The following CDAN1 variants were observed in gnomAD, a reference collection of about 807,000 sequenced individuals.
CDAN1 encodes codanin-1.
A neutral mutation model predicts 139.8 loss-of-function variants in CDAN1; 107 were observed. That is an observed-to-expected ratio of 0.77 (90% confidence interval 0.65 to 0.90). The LOEUF is 0.90. CDAN1 is among the 40% of genes least tolerant of loss of function. The pLI is 0.00. For missense variants in CDAN1, 1,667 were observed against 1,575.7 expected (o/e 1.06, Z -0.98); for synonymous variants, 776 against 660.6 (o/e 1.17, Z -2.68).
chr15:42,733,327 T>A (rs1178748126), intron 8 of CDAN1, 141 bp from the exon 9 acceptor site: 14 of 731,468 alleles, frequency 1.9e-5, no homozygotes, highest in Non-Finnish European at 3.2e-5. Context: ...CAGGCTGGAT[T>A]GCAATGACGC....
At chr15:42,726,849 C>A (rs1203447392) in intron 23 of CDAN1, 6 of 202,860 alleles carry the variant, frequency 3.0e-5, no homozygotes, top group Non-Finnish European at 3.0e-5. Context: ...TGCATATTGA[C>A]AACCAGTATC....
intron 1 of CDAN1, 92 bp downstream of exon 1, chr15:42,736,921 G>A (rs1034778327): frequency 2.0e-5 from 29 of 1,476,054 alleles, no homozygotes; most frequent in Non-Finnish European, 2.6e-5. Flanking sequence ...CCGGCTGGCA[G>A]CCAGGCGCCC....
chr15:42,730,489 G>C (rs1419985736), intron 14 of CDAN1, 109 bp downstream of exon 14: 1 of 1,307,774 alleles, frequency 7.6e-7, no homozygotes, highest in Non-Finnish European at 1.1e-6. Flanking sequence ...TTATGGCCAG[G>C]GCCCCACACG....
chr15:42,735,704 G>A, intron 3 of CDAN1, 25 bp from the exon 4 acceptor site: 2 of 1,613,224 alleles, frequency 1.2e-6, no homozygotes, highest in Non-Finnish European at 1.7e-6. Context: ...AATTTCATGA[G>A]CAGTCAGCTT....
intron 3 of CDAN1, 26 bp from the exon 4 acceptor site, chr15:42,735,705 C>A: frequency 6.2e-7 from 1 of 1,613,212 alleles, no homozygotes; most frequent in South Asian, 1.1e-5. Flanking sequence ...ATTTCATGAG[C>A]AGTCAGCTTG....
At position 42,731,001 on chromosome 15, in the gene CDAN1, G is replaced by A. The variant is rs753869458; in HGVS notation, c.1931C>T (p.Ala644Val). 1.2e-6 allele frequency: 2 copies of A among 1,614,204 alleles called. No individual in the cohort carries two copies. The highest frequency in any genetic ancestry group is 1.7e-6 in the Non-Finnish European group (2 of 1,180,042). Residue 644 changes from alanine to valine, a missense_variant, in exon 13 of 28, where the codon GCT becomes GTT. By Grantham distance (64) the Ala-to-Val change is moderately conservative (BLOSUM62 0). This residue lies in a region of CDAN1 where 936 missense variants were observed against 844.1 expected (regional missense o/e 1.11). Coordinates refer to ENST00000356231, the MANE Select transcript of CDAN1 (RefSeq NM_138477.4). ...TTCAGGCCCCCGGTATGGCAGGAAA[G>A]CCACAAAGCCCAGGAATTTAGCCAA... is the stretch of plus-strand genomic sequence containing the variant. ...RLLAKFLGFV[A>V]FLPYRGPEPP...
At chr15:42,724,755 C>T (rs1338487672) in intron 27 of CDAN1, 139 bp from the exon 28 acceptor site, 6 of 1,121,108 alleles carry the variant, frequency 5.4e-6, no homozygotes, top group Non-Finnish European at 7.7e-6. Flanking sequence ...GACATGAAAC[C>T]TTGTCTGTTT....
At chr15:42,736,217 G>T in intron 2 of CDAN1, 85 bp downstream of exon 2, 2 of 1,588,842 alleles carry the variant, frequency 1.3e-6, no homozygotes, top group Non-Finnish European at 1.7e-6. Flanking sequence ...CCATCCTGGC[G>T]CTCCACTGCG....
rs1555414619 is a variant in CDAN1, at chr15:42,728,042, C to T, written c.2869-9G>A. The stretch of plus-strand genomic sequence containing the variant: ...TCTGCACTGCTCAGAACCTGCGAAA[C>T]AGAACTACAGAGTCAGGGGCTAGGG... On this transcript the variant is annotated splice_polypyrimidine_tract_variant and intron_variant, in intron 21 of 27. Coordinates refer to ENST00000356231, the MANE Select transcript of CDAN1 (RefSeq NM_138477.4). 5 of 1,613,752 alleles carry T rather than the reference C, an allele frequency of 3.1e-6. No individual in the cohort carries two copies. The highest frequency in any genetic ancestry group is 1.1e-5 in the South Asian group (1 of 91,072).
At chr15:42,729,431 T>G in intron 17 of CDAN1, 69 bp from the exon 18 acceptor site, 1 of 1,607,696 alleles carries the variant, frequency 6.2e-7, no homozygotes, top group Non-Finnish European at 8.5e-7. Flanking sequence ...TGGACTTTAC[T>G]TGTGGAGTCA....
At position 42,731,659 on chromosome 15, in the gene CDAN1, C is replaced by G. The variant is rs1566985397; in HGVS notation, c.1700G>C (p.Cys567Ser). 6.2e-7 allele frequency: 1 copy of G among 1,614,182 alleles called. No homozygotes were observed. Among genetic ancestry groups the G allele is most frequent in the Non-Finnish European group, 8.5e-7 (1 of 1,180,028 alleles). ...GPCPPPTFPG[C>S]QGFFRDFILS... is the part of the protein sequence containing the mutation. ...GATGAAGTCCCTAAAGAAGCCTTGA[C>G]AGCCTGGGAAGGTGGGGGGTGGGCA... Residue 567 changes from cysteine (C) to serine (S), a missense_variant, in exon 11 of 28, where the codon TGT (cysteine) becomes TCT (serine). Cys to Ser is a moderately radical substitution (Grantham distance 112). Coordinates refer to ENST00000356231, the MANE Select transcript of CDAN1 (RefSeq NM_138477.4).
rs1214321445 is a variant in CDAN1, at chr15:42,724,257, T to C, written c.*234A>G. 4 of 543,510 alleles carry C rather than the reference T, an allele frequency of 7.4e-6. No homozygotes were observed. The highest frequency in any genetic ancestry group is 1.3e-5 in the Non-Finnish European group (4 of 299,532). 33.7% of individuals were successfully genotyped at this position (543,510 alleles called of 1,614,324 possible). A position where few individuals can be genotyped will look rare whatever the true frequency, so the allele number is the denominator to read the frequency against. The stretch of plus-strand genomic sequence containing the variant: ...GATAAACAAACACCACCTCTTCTAC[T>C]CCAGGACTGGCATCTCTGGACTTTT... On this transcript the variant is annotated 3_prime_UTR_variant, in exon 28 of 28. Transcript: ENST00000356231.
chr15:42,731,477 T>A, intron 11 of CDAN1, 143 bp downstream of exon 11: 1 of 1,415,572 alleles, frequency 7.1e-7, no homozygotes, highest in Non-Finnish European at 1.0e-6. Context: ...GGTGACAGAA[T>A]GAGAAGTGCA....
chr15:42,726,748 G>T (rs527442474), intron 23 of CDAN1: 4 of 390,548 alleles, frequency 1.0e-5, no homozygotes, highest in Non-Finnish European at 1.9e-5. Flanking sequence ...TAAGGAAACC[G>T]GCCTATCAGA....
chr15:42,735,732 C>G, intron 3 of CDAN1, 53 bp from the exon 4 acceptor site: 1 of 1,599,612 alleles, frequency 6.3e-7, no homozygotes, highest in South Asian at 1.1e-5. Context: ...CTGCTACGGC[C>G]ACACTCAGGT....
intron 14 of CDAN1, 146 bp from the exon 15 acceptor site, chr15:42,730,361 C>T: frequency 3.3e-6 from 3 of 898,074 alleles, no homozygotes; most frequent in Non-Finnish European, 5.5e-6. Flanking sequence ...AGCCCCGCCT[C>T]CTGCATGGGG....
intron 18 of CDAN1, 28 bp from the exon 19 acceptor site, chr15:42,729,154 G>T (rs372059889): frequency 5.0e-6 from 8 of 1,613,496 alleles, no homozygotes; most frequent in African/African-American, 1.3e-5. Flanking sequence ...AGGCAGCAAG[G>T]CTTCCTCCAG....
intron 2 of CDAN1, 62 bp from the exon 3 acceptor site, chr15:42,736,140 C>T: frequency 1.3e-6 from 2 of 1,585,008 alleles, no homozygotes; most frequent in Non-Finnish European, 1.7e-6. Context: ...CCCTCCACCA[C>T]CGCAACAGCT....
chr15:42,725,974 T>TC (rs2061521398), intron 25 of CDAN1, 123 bp downstream of exon 25: 4 of 390,862 alleles, frequency 1.0e-5, no homozygotes, highest in African/African-American at 1.2e-4. Context: ...AGATTCCGTC[T>TC]CAAAAAAAAA....
Sources: allele counts gnomAD v4.1 joint callset, GRCh38; gene constraint gnomAD v4.1.1; regional missense constraint gnomAD v4.1.1; transcripts MANE v1.5; gene names NCBI Gene and HGNC (gene_info 2026-07-23, HGNC 2026-07-21).